SORCS1: variants seen among roughly 807,000 people sequenced by gnomAD.
SORCS1 encodes sortilin related VPS10 domain containing receptor 1.
A neutral mutation model predicts 146.1 loss-of-function variants in SORCS1; 60 were observed. That is an observed-to-expected ratio of 0.41 (90% CI 0.33 to 0.51). SORCS1 has a LOEUF of 0.51. Ranked by LOEUF, SORCS1 falls within the 20% of genes least tolerant of loss-of-function variation. The pLI is 0.21. For missense variants in SORCS1, 1,352 were observed against 1,487.6 expected (o/e 0.91, Z 1.50); for synonymous variants, 637 against 584.0 (o/e 1.09, Z -1.31).
chr10:106,660,593 A>G (rs949248127), intron 17 of SORCS1, among the ~76,000 whole-genome samples: 2 of 152,178 alleles, frequency 1.3e-5, no homozygotes, highest in Non-Finnish European at 2.9e-5. Context: ...GACCCACTGT[A>G]TATTTGTAAA....
At chr10:107,080,423 G>T (rs961667752) in intron 1 of SORCS1, among the ~76,000 whole-genome samples, 5 of 152,084 alleles carry the variant, frequency 3.3e-5, no homozygotes, top group Admixed American at 6.5e-5. Flanking sequence ...ACAATACTTT[G>T]AATTTAAAGA....
intron 2 of SORCS1, among the ~76,000 whole-genome samples, chr10:106,865,731 TAAATA>T (rs975317958): frequency 6.9e-6 from 1 of 145,900 alleles, no homozygotes; most frequent in African/African-American, 2.6e-5. Flanking sequence ...CTCAAAAAAA[TAAATA>T]AAATAAAATA....
chr10:106,989,270 A>AT (rs1956634494), intron 1 of SORCS1, among the ~76,000 whole-genome samples: 1 of 50,664 alleles, frequency 2.0e-5, no homozygotes, highest in Non-Finnish European at 5.0e-5. Flanking sequence ...GCTCCACCTC[A>AT]GAAAAAAAAA....
chr10:106,696,527 C>A (rs1257900837), intron 9 of SORCS1, among the ~76,000 whole-genome samples: 3 of 152,190 alleles, frequency 2.0e-5, no homozygotes, highest in South Asian at 4.1e-4. Flanking sequence ...TCCTCTCTCC[C>A]AGCCCCAGGA....
intron 18 of SORCS1, among the ~76,000 whole-genome samples, chr10:106,650,477 T>A (rs1275186297): frequency 1.3e-5 from 2 of 152,198 alleles, no homozygotes; most frequent in Non-Finnish European, 2.9e-5. Context: ...GTGCTTTCTA[T>A]GTTTCCTGTG....
chr10:106,796,426 T>C (rs754912523), intron 3 of SORCS1, among the ~76,000 whole-genome samples: 14 of 152,304 alleles, frequency 9.2e-5, no homozygotes, highest in Non-Finnish European at 1.9e-4. Flanking sequence ...AGTCCCTTTA[T>C]CAAATTTGTT....
intron 1 of SORCS1, among the ~76,000 whole-genome samples, chr10:107,114,423 TA>T (rs1965891850): frequency 1.3e-5 from 2 of 152,120 alleles, no homozygotes; most frequent in Admixed American, 6.5e-5. Flanking sequence ...AAAAGGATCA[TA>T]CACCATGTCA....
chr10:106,584,654 T>A (rs1845115297), intron 24 of SORCS1, among the ~76,000 whole-genome samples: 2 of 152,234 alleles, frequency 1.3e-5, no homozygotes, highest in African/African-American at 4.8e-5. Flanking sequence ...GAGCCCTAAA[T>A]CAACTGTGGT....
chr10:106,640,029 A>T (rs1192988538), intron 18 of SORCS1, among the ~76,000 whole-genome samples: 1 of 152,168 alleles, frequency 6.6e-6, no homozygotes, highest in African/African-American at 2.4e-5. Context: ...AACAAGAAAG[A>T]AAAAGAAACT....
At chr10:106,801,684 C>T (rs749594987) in intron 3 of SORCS1, among the ~76,000 whole-genome samples, 40 of 151,834 alleles carry the variant, frequency 2.6e-4, no homozygotes, top group Non-Finnish European at 5.4e-4. Context: ...CGCCCGCCAC[C>T]ACGCCCGGCT....
chr10:106,775,312 T>C (rs1203833608), intron 4 of SORCS1, among the ~76,000 whole-genome samples: 12 of 152,176 alleles, frequency 7.9e-5, no homozygotes, highest in African/African-American at 2.7e-4. Flanking sequence ...CACTGTGGCT[T>C]GACTCCAGAA....
At chr10:107,046,457 A>T (rs1371460363) in intron 1 of SORCS1, among the ~76,000 whole-genome samples, 1 of 152,036 alleles carries the variant, frequency 6.6e-6, no homozygotes, top group African/African-American at 2.4e-5. Flanking sequence ...TACTACTAAT[A>T]ATATATCTAT....
intron 1 of SORCS1, among the ~76,000 whole-genome samples, chr10:106,989,669 T>G (rs1956663924): frequency 7.8e-6 from 1 of 128,872 alleles, no homozygotes; most frequent in South Asian, 2.4e-4. Context: ...ATATTTTTTC[T>G]GTTTTTTTTT....
intron 8 of SORCS1, among the ~76,000 whole-genome samples, chr10:106,702,203 C>T (rs1854186334): frequency 6.6e-6 from 1 of 152,154 alleles, no homozygotes. Flanking sequence ...CCCATGGCTC[C>T]CCATCCTATA....
chr10:106,730,922 A>G (rs1856547645), intron 5 of SORCS1, among the ~76,000 whole-genome samples: 1 of 152,140 alleles, frequency 6.6e-6, no homozygotes, highest in African/African-American at 2.4e-5. Flanking sequence ...TCTACACAGA[A>G]AACAGCGAAA....
intron 1 of SORCS1, among the ~76,000 whole-genome samples, chr10:107,119,510 C>G (rs1221039509): frequency 6.6e-6 from 1 of 152,148 alleles, no homozygotes; most frequent in Non-Finnish European, 1.5e-5. Flanking sequence ...GAAAATGTTA[C>G]TTTGCTTTGC....
intron 1 of SORCS1, among the ~76,000 whole-genome samples, chr10:107,134,357 G>C (rs576297205): frequency 1.3e-5 from 2 of 152,034 alleles, no homozygotes; most frequent in African/African-American, 4.8e-5. Context: ...ACATTCCATC[G>C]GCCAGGCGCG....
intron 2 of SORCS1, among the ~76,000 whole-genome samples, chr10:106,926,848 CACACACACACACACACACAGAGAG>C (rs1421963768): frequency 7.7e-5 from 10 of 129,628 alleles, no homozygotes; most frequent in African/African-American, 3.9e-4. Flanking sequence ...CACACACACA[CACACACACACACACACACAGAGAG>C]AGAGAGAGAG....
At chr10:106,820,961 C>T (rs1454726558) in intron 3 of SORCS1, among the ~76,000 whole-genome samples, 3 of 152,070 alleles carry the variant, frequency 2.0e-5, no homozygotes, top group African/African-American at 7.2e-5. Context: ...ATTTGGCCAG[C>T]CAGACCTCAG....
Sources: allele counts gnomAD v4.1 joint callset (sites outside exome capture counted in the v4.1 genomes callset), GRCh38; gene constraint gnomAD v4.1.1; transcripts MANE v1.5; gene names NCBI Gene and HGNC (gene_info 2026-07-23, HGNC 2026-07-21).